Variants in ATG5 observed in about 807,000 individuals in gnomAD.
ATG5 encodes autophagy protein 5.
In ATG5, 14 loss-of-function variants were observed where a neutral mutation model predicts 36.5. That is an observed-to-expected ratio of 0.38 (90% CI 0.25 to 0.60). The LOEUF is 0.60. ATG5 is among the 20% of genes least tolerant of loss of function. The pLI, the probability that ATG5 is intolerant of heterozygous loss-of-function variation, is 0.60. For synonymous variants in ATG5, 95 were observed against 101.5 expected (o/e 0.94, Z 0.38); for missense variants, 195 against 326.7 (o/e 0.60, Z 3.11).
Position 106,271,971 on chromosome 6 carries a change from A to G in ATG5, c.478+7690T>C, listed in dbSNP as rs146283302. 3.6e-4 allele frequency among the ~76,000 whole-genome samples: 55 copies of G among 152,366 alleles called. 1 individual carries two copies. In the East Asian group the frequency reaches 9.6e-3, roughly 27 times the overall value. On this transcript the variant is annotated intron_variant, in intron 5 of 7. Transcript: ENST00000369076. ...AGTTTTTAATCCCAGATAAATATGCATGATCTCCTAAACTGCTTCAGGTCT... is the reference window on the plus strand; with the variant it reads ...AGTTTTTAATCCCAGATAAATATGCGTGATCTCCTAAACTGCTTCAGGTCT...
chr6:106,248,997 G>T (rs929491517), intron 5 of ATG5, among the ~76,000 whole-genome samples: 1 of 152,062 alleles, frequency 6.6e-6, no homozygotes, highest in African/African-American at 2.4e-5. Context: ...AAATACCAAA[G>T]ATTTTTTTAA....
chr6:106,235,742 C>A (rs1409840586), intron 6 of ATG5, among the ~76,000 whole-genome samples: 3 of 150,326 alleles, frequency 2.0e-5, no homozygotes, highest in Non-Finnish European at 4.4e-5. Flanking sequence ...CCGGCAACGG[C>A]TACCTTCTTT....
At chr6:106,242,910 C>T (rs1778184340) in intron 6 of ATG5, among the ~76,000 whole-genome samples, 1 of 152,166 alleles carries the variant, frequency 6.6e-6, no homozygotes, top group African/African-American at 2.4e-5. Context: ...ATCGCTAAAA[C>T]CCTGGAGGGG....
chr6:106,231,230 T>C (rs866284570), intron 6 of ATG5, among the ~76,000 whole-genome samples: 3 of 152,226 alleles, frequency 2.0e-5, no homozygotes, highest in African/African-American at 4.8e-5. Context: ...AATGGCTATA[T>C]TGATGTTTTA....
chr6:106,318,591 T>C (rs1006860575), intron 1 of ATG5, among the ~76,000 whole-genome samples: 1 of 152,218 alleles, frequency 6.6e-6, no homozygotes, highest in African/African-American at 2.4e-5. Flanking sequence ...TTATTTCCCA[T>C]ATACCATTGT....
intron 5 of ATG5, among the ~76,000 whole-genome samples, chr6:106,272,961 T>C (rs756677418): frequency 6.6e-5 from 10 of 152,228 alleles, no homozygotes; most frequent in Non-Finnish European, 1.3e-4. Context: ...AGGCTGGCCA[T>C]ATACTGGTAA....
chr6:106,252,934 C>T (rs74759014), intron 5 of ATG5, among the ~76,000 whole-genome samples: 1 of 152,204 alleles, frequency 6.6e-6, no homozygotes, highest in Non-Finnish European at 1.5e-5. Context: ...CTGAAAATCA[C>T]TACAGAAGGG....
At chr6:106,196,161 AC>A (rs1776180339) in intron 7 of ATG5, among the ~76,000 whole-genome samples, 1 of 152,206 alleles carries the variant, frequency 6.6e-6, no homozygotes, top group Non-Finnish European at 1.5e-5. Flanking sequence ...AAAACAGTAG[AC>A]ACTCAGGTTC....
intron 6 of ATG5, among the ~76,000 whole-genome samples, chr6:106,237,843 T>C (rs1246572828): frequency 6.6e-6 from 1 of 152,204 alleles, no homozygotes; most frequent in East Asian, 1.9e-4. Flanking sequence ...GCAGTCCCTA[T>C]TTTGTGAGAG....
chr6:106,203,512 C>T (rs752380315), intron 6 of ATG5, among the ~76,000 whole-genome samples: 7 of 152,178 alleles, frequency 4.6e-5, no homozygotes, highest in Non-Finnish European at 8.8e-5. Context: ...TCCCTCTTAA[C>T]GGTTATTTCA....
At chr6:106,235,840 T>A (rs889016282) in intron 6 of ATG5, among the ~76,000 whole-genome samples, 2 of 152,096 alleles carry the variant, frequency 1.3e-5, no homozygotes, top group Non-Finnish European at 2.9e-5. Flanking sequence ...AATTGAAGAA[T>A]AAATTAATAC....
chr6:106,239,358 T>C (rs1323400216), intron 6 of ATG5, among the ~76,000 whole-genome samples: 3 of 152,126 alleles, frequency 2.0e-5, no homozygotes, highest in Non-Finnish European at 4.4e-5. Flanking sequence ...AAAAGAAATA[T>C]CATGTTCTTG....
At chr6:106,316,901 T>G (rs1770873051) in intron 1 of ATG5, among the ~76,000 whole-genome samples, 1 of 152,206 alleles carries the variant, frequency 6.6e-6, no homozygotes, top group Non-Finnish European at 1.5e-5. Context: ...CACCTTTCTC[T>G]GTATCCTACT....
At chr6:106,252,333 G>A (rs1273781038) in intron 5 of ATG5, among the ~76,000 whole-genome samples, 1 of 149,966 alleles carries the variant, frequency 6.7e-6, no homozygotes, top group Non-Finnish European at 1.5e-5. Context: ...CTGTTCTACA[G>A]AAATATTCAA....
chr6:106,234,724 A>G (rs1188044984), intron 6 of ATG5, among the ~76,000 whole-genome samples: 4 of 152,222 alleles, frequency 2.6e-5, no homozygotes, highest in African/African-American at 9.6e-5. Flanking sequence ...AAGAGTACTC[A>G]TTCTTCCTTT....
intron 7 of ATG5, among the ~76,000 whole-genome samples, chr6:106,195,271 T>C (rs1776128909): frequency 6.6e-6 from 1 of 152,212 alleles, no homozygotes; most frequent in South Asian, 2.1e-4. Context: ...CACATAACTT[T>C]TATGAAGTAC....
At chr6:106,219,438 C>T (rs559236234) in intron 6 of ATG5, among the ~76,000 whole-genome samples, 11 of 152,328 alleles carry the variant, frequency 7.2e-5, no homozygotes, top group African/African-American at 2.6e-4. Flanking sequence ...TCTGCATCTG[C>T]AGATTCAACT....
intron 5 of ATG5, chr6:106,271,683 G>A (rs896903869): frequency 6.6e-6 from 1 of 152,072 alleles, no homozygotes; most frequent in African/African-American, 2.4e-5. Flanking sequence ...TCCAAGACAT[G>A]ATAATTGCTA....
chr6:106,298,965 TAC>T (rs1465605581), intron 3 of ATG5, among the ~76,000 whole-genome samples: 2 of 152,204 alleles, frequency 1.3e-5, no homozygotes, highest in Admixed American at 6.5e-5. Flanking sequence ...AGATATTATA[TAC>T]AGTTTTGTGA....
Sources: gnomAD v4.1 joint callset for allele counts (sites outside exome capture counted in the v4.1 genomes callset) on GRCh38, gnomAD v4.1.1 for gene constraint, MANE v1.5 for transcripts, NCBI Gene and HGNC (gene_info 2026-07-23, HGNC 2026-07-21) for gene names.